Variants in TTC28 observed in about 807,000 individuals in gnomAD.
TTC28 encodes the protein tetratricopeptide repeat domain 28.
In TTC28, 61 loss-of-function variants were observed where a neutral mutation model predicts 198.0. The ratio of observed to expected loss-of-function variants is 0.31; its 90% CI spans 0.25 to 0.38. TTC28 has a LOEUF of 0.38. Ranked by LOEUF, TTC28 falls within the 10% of genes least tolerant of loss-of-function variation. The pLI, the probability that TTC28 is intolerant of heterozygous loss-of-function variation, is 1.00. For synonymous variants in TTC28, 1,171 were observed against 1,297.8 expected (o/e 0.90, Z 2.10); for missense variants, 2,678 against 3,164.0 (o/e 0.85, Z 3.69).
intron 6 of TTC28, among the ~76,000 whole-genome samples, chr22:28,145,413 C>T (rs900464028): frequency 2.0e-5 from 3 of 152,134 alleles, no homozygotes; most frequent in Admixed American, 2.0e-4. Flanking sequence ...AGATACACCA[C>T]CTACTTGAGT....
intron 3 of TTC28, among the ~76,000 whole-genome samples, chr22:28,301,092 G>A (rs2045013061): frequency 6.6e-6 from 1 of 152,120 alleles, no homozygotes; most frequent in Non-Finnish European, 1.5e-5. Context: ...TTCTCCGCTT[G>A]GGTTGTAATT....
At chr22:27,984,466 CTCATCCTTGTCACTCT>C (rs1342640680) in intron 22 of TTC28, among the ~76,000 whole-genome samples, 1 of 152,140 alleles carries the variant, frequency 6.6e-6, no homozygotes, top group East Asian at 1.9e-4. Flanking sequence ...CAGGCCCCTC[CTCATCCTTGTCACTCT>C]GAACCCTGGA....
chr22:28,384,463 T>C (rs73439811), intron 2 of TTC28, among the ~76,000 whole-genome samples: 15,290 of 152,210 alleles, frequency 0.1, 880 homozygotes, highest in African/African-American at 0.12. Flanking sequence ...TTCCATACAG[T>C]ATGTTTACCA....
chr22:28,132,976 C>G (rs569870120), intron 6 of TTC28, among the ~76,000 whole-genome samples: 3 of 152,186 alleles, frequency 2.0e-5, no homozygotes, highest in Admixed American at 6.5e-5. Context: ...GTAATCCCAC[C>G]ACTTTGGGAG....
intron 2 of TTC28, among the ~76,000 whole-genome samples, chr22:28,354,424 A>G (rs2046044068): frequency 6.6e-6 from 1 of 152,214 alleles, no homozygotes; most frequent in Non-Finnish European, 1.5e-5. Flanking sequence ...AACCAGATAC[A>G]AAAGGACAAA....
intron 6 of TTC28, 24 bp downstream of exon 6, chr22:28,163,068 T>A: frequency 6.6e-7 from 1 of 1,519,342 alleles, no homozygotes; most frequent in Non-Finnish European, 8.8e-7. Flanking sequence ...TGACCTGGGC[T>A]CTTACAGGCA....
chr22:28,165,973 G>A (rs936470190), intron 5 of TTC28, among the ~76,000 whole-genome samples: 1 of 152,134 alleles, frequency 6.6e-6, no homozygotes, highest in African/African-American at 2.4e-5. Flanking sequence ...AAAATAAAGG[G>A]ACGGAGGAAG....
At chr22:28,076,967 T>A (rs1356450101) in intron 12 of TTC28, among the ~76,000 whole-genome samples, 4 of 152,288 alleles carry the variant, frequency 2.6e-5, no homozygotes, top group African/African-American at 9.6e-5. Context: ...TTCTGAAAAG[T>A]GTATTTTTAT....
intron 2 of TTC28, among the ~76,000 whole-genome samples, chr22:28,529,826 C>A (rs1346353662): frequency 1.3e-5 from 2 of 152,134 alleles, no homozygotes; most frequent in African/African-American, 2.4e-5. Context: ...CTCCAGCAGA[C>A]CTTCAGCTGA....
chr22:28,674,249 T>A (rs1164049375), intron 1 of TTC28, among the ~76,000 whole-genome samples: 4 of 147,692 alleles, frequency 2.7e-5, no homozygotes, highest in African/African-American at 1.0e-4. Flanking sequence ...TTTCTGTTTG[T>A]GGTTTTTTCT....
intron 2 of TTC28, among the ~76,000 whole-genome samples, chr22:28,307,735 ATACTTGG>A (rs1399429099): frequency 6.6e-6 from 1 of 152,224 alleles, no homozygotes; most frequent in Admixed American, 6.5e-5. Context: ...TGCTTCTAAA[ATACTTGG>A]TCTCCTATTC....
At chr22:28,153,424 G>GT (rs1379101322) in intron 6 of TTC28, among the ~76,000 whole-genome samples, 9 of 135,074 alleles carry the variant, frequency 6.7e-5, no homozygotes, top group South Asian at 2.3e-4. Flanking sequence ...AAAAACCTTC[G>GT]TTTTTTGTTT....
At chr22:28,328,120 G>A (rs2045559798) in intron 2 of TTC28, among the ~76,000 whole-genome samples, 1 of 152,102 alleles carries the variant, frequency 6.6e-6, no homozygotes, top group African/African-American at 2.4e-5. Flanking sequence ...AATTAAGAAG[G>A]AGAAATACCT....
At chr22:28,336,385 A>G (rs1480503370) in intron 2 of TTC28, among the ~76,000 whole-genome samples, 1 of 151,994 alleles carries the variant, frequency 6.6e-6, no homozygotes, top group Non-Finnish European at 1.5e-5. Context: ...CTCTTTTTCT[A>G]TTGATTGGAA....
At chr22:28,281,627 C>T (rs2044584373) in intron 5 of TTC28, among the ~76,000 whole-genome samples, 1 of 152,158 alleles carries the variant, frequency 6.6e-6, no homozygotes, top group African/African-American at 2.4e-5. Flanking sequence ...CCTGTTTCTT[C>T]ATATGTCTAA....
At chr22:28,375,876 T>A (rs545186136) in intron 2 of TTC28, among the ~76,000 whole-genome samples, 1 of 152,212 alleles carries the variant, frequency 6.6e-6, no homozygotes, top group Non-Finnish European at 1.5e-5. Flanking sequence ...TCCTAGGACA[T>A]CAGAACTCCA....
chr22:28,364,288 T>A (rs1215909830), intron 2 of TTC28, among the ~76,000 whole-genome samples: 2 of 152,182 alleles, frequency 1.3e-5, no homozygotes, highest in Non-Finnish European at 2.9e-5. Flanking sequence ...CCTGCTGCCA[T>A]CCATGTAAGA....
intron 19 of TTC28, among the ~76,000 whole-genome samples, 182 bp from the exon 20 acceptor site, chr22:27,990,994 G>A (rs1275134672): frequency 1.3e-5 from 2 of 152,178 alleles, no homozygotes; most frequent in Non-Finnish European, 2.9e-5. Flanking sequence ...AGAACGGACA[G>A]CCACACCCAG....
At chr22:28,001,670 G>A (rs554313505) in intron 14 of TTC28, 117 bp from the exon 15 acceptor site, 1 of 1,229,912 alleles carries the variant, frequency 8.1e-7, no homozygotes, top group Non-Finnish European at 1.1e-6. Flanking sequence ...TGAGGCCTGT[G>A]GGGGTGTGGG....
Sources: allele counts gnomAD v4.1 joint callset (sites outside exome capture counted in the v4.1 genomes callset), GRCh38; gene constraint gnomAD v4.1.1; transcripts MANE v1.5; gene names NCBI Gene and HGNC (gene_info 2026-07-23, HGNC 2026-07-21).